Variants in TAP2 observed in about 807,000 individuals in gnomAD.
TAP2 encodes antigen peptide transporter 2.
Under a neutral mutation model 74.7 loss-of-function variants are expected in TAP2, and 49 were observed. That is an observed-to-expected ratio of 0.66 (90% CI 0.52 to 0.83). The LOEUF (loss-of-function observed/expected upper bound fraction) is 0.83. TAP2 is among the 40% of genes least tolerant of loss of function. TAP2 has a pLI of 0.00. For synonymous variants in TAP2, 306 were observed against 368.4 expected (o/e 0.83, Z 1.94); for missense variants, 739 against 859.0 (o/e 0.86, Z 1.75).
At chr6:32,830,909 T>A in intron 7 of TAP2, 103 bp from the exon 8 acceptor site, 1 of 1,014,982 alleles carries the variant, frequency 9.9e-7, no homozygotes, top group Non-Finnish European at 1.5e-6. Context: ...CTGCTCCTCC[T>A]CCATACTCAA....
chr6:32,823,926 A>C (rs1294770455), downstream of TAP2, among the ~76,000 whole-genome samples: 4 of 152,128 alleles, frequency 2.6e-5, no homozygotes, highest in African/African-American at 9.7e-5. Flanking sequence ...ATTAGTTTTA[A>C]ATAATGAACA....
At chr6:32,822,368 A>G (rs1451980648), downstream of TAP2, 9 of 1,181,648 alleles carry the variant, frequency 7.6e-6, no homozygotes, top group Non-Finnish European at 1.1e-5. Flanking sequence ...GGTGTTTTTT[A>G]ATCTGTGCTA....
At chr6:32,830,542 A>C (rs1219140496) in intron 8 of TAP2, 76 bp downstream of exon 8, 1 of 1,603,668 alleles carries the variant, frequency 6.2e-7, no homozygotes, top group Admixed American at 1.7e-5. Flanking sequence ...GAGGCAAATG[A>C]ACTATAGGCT....
downstream of TAP2, chr6:32,822,276 T>C (rs1286817272): frequency 5.2e-6 from 8 of 1,543,564 alleles, no homozygotes; most frequent in East Asian, 1.6e-4. Context: ...TCCCAGGAAA[T>C]ATCCATTGAA....
chr6:32,837,542 A>G lies in TAP2; in HGVS notation c.603T>C (p.Phe201=), dbSNP rs147979198. The G allele has an allele frequency of 1.2e-6, 2 of 1,613,868 alleles. No homozygotes were observed. The highest frequency in any genetic ancestry group is 3.3e-5 in the Admixed American group (2 of 60,004). Residue 201 remains phenylalanine (F), a synonymous_variant, in exon 3 of 12, where the codon TTT becomes TTC. Transcript: ENST00000374897. ...CCCAGCTGCCCACCACCTACCTGCCAAAGGAGAAGAGGCACATGAAGAAGA... is the reference window on the plus strand; with the variant it reads ...CCCAGCTGCCCACCACCTACCTGCCGAAGGAGAAGAGGCACATGAAGAAGA... ...SAIFFMCLFS[F]GSSLSAGCRG... is the part of the protein sequence containing the mutation.
chr6:32,827,485 A>G lies in TAP2; in HGVS notation c.*1421T>C. 2.3e-6 allele frequency: 1 copy of G among 428,284 alleles called. No individual in the cohort carries two copies. Among genetic ancestry groups the G allele is most frequent in the Non-Finnish European group, 3.1e-6 (1 of 321,258 alleles). 26.5% of individuals were successfully genotyped at this position (428,284 alleles called of 1,614,324 possible). The stretch of plus-strand genomic sequence containing the variant: ...GGGAAAGGGAAGATAGAACTTTAAA[A>G]GGGCTGTGAAAGAGGTAACCGCACA... On this transcript the variant is annotated 3_prime_UTR_variant, in exon 12 of 12. Coordinates refer to ENST00000374897, the MANE Select transcript of TAP2 (RefSeq NM_001290043.2).
Position 32,827,709 on chromosome 6 carries a change from G to C in TAP2, c.*1197C>G. ...TCGTGGAGCTGGATACAACAGGAGA[G>C]GGTGAGACAGATGGGCTGGAACAGT... is the stretch of plus-strand genomic sequence containing the variant. On this transcript the variant is annotated 3_prime_UTR_variant, in exon 12 of 12. Coordinates refer to ENST00000374897, the MANE Select transcript of TAP2 (RefSeq NM_001290043.2). The C allele has an allele frequency of 2.1e-6, 2 of 953,278 alleles. No homozygotes were observed. The highest frequency in any genetic ancestry group is 2.5e-6 in the Non-Finnish European group (2 of 801,334). 59.1% of individuals were successfully genotyped at this position (953,278 alleles called of 1,614,324 possible).
intron 3 of TAP2, among the ~76,000 whole-genome samples, chr6:32,836,209 T>C (rs948438659): frequency 2.0e-5 from 3 of 152,310 alleles, no homozygotes; most frequent in Non-Finnish European, 2.9e-5. Context: ...TCTGTCATCA[T>C]AGATACTTCA....
intron 10 of TAP2, 98 bp downstream of exon 10, chr6:32,829,832 C>T: frequency 6.6e-7 from 1 of 1,513,214 alleles, no homozygotes; most frequent in Non-Finnish European, 9.2e-7. Flanking sequence ...AGAGGAACAG[C>T]AAACATCAAG....
In TAP2 at chr6:32,832,320, G is replaced by C. The variant is rs1055295072; in HGVS notation, c.1272+13C>G. ...GAGGGAAAAAAGGAGAGCAGGCTTG[G>C]CTTCTCGCTCACCTGCACATAGCTC... On this transcript the variant is annotated intron_variant, in intron 7 of 11. Coordinates refer to ENST00000374897, the MANE Select transcript of TAP2 (RefSeq NM_001290043.2). This position sits in a 1 kb window ranked among gnomAD's most constrained non-coding sequence, Gnocchi z 5.9. 4 of 1,612,872 alleles carry C rather than the reference G, an allele frequency of 2.5e-6. No homozygotes were observed. Among genetic ancestry groups the C allele is most frequent in the Admixed American group, 3.3e-5 (2 of 60,002 alleles).
chr6:32,837,739 A>G lies in TAP2; in HGVS notation c.493+2T>C. On this transcript the variant is annotated splice_donor_variant, in intron 2 of 11. Coordinates refer to ENST00000374897, the MANE Select transcript of TAP2 (RefSeq NM_001290043.2). LOFTEE classifies it high-confidence loss of function. ...AACTCACAACGTCCTCTCCTGACTC[A>G]CCCAAAACAGCAAGGACAAGGAAGA... 6.2e-7 allele frequency: 1 copy of G among 1,614,146 alleles called. No homozygotes were observed. The highest frequency in any genetic ancestry group is 8.5e-7 in the Non-Finnish European group (1 of 1,180,026).
chr6:32,835,522 A>G lies in TAP2; in HGVS notation c.739+121T>C, dbSNP rs1360615397. On this transcript the variant is annotated intron_variant, in intron 4 of 11. Transcript: ENST00000374897. The surrounding 1 kb of genome is among the most constrained non-coding windows in gnomAD (Gnocchi z 4.0). The stretch of plus-strand genomic sequence containing the variant: ...CTGCTTCTCCACCCTGTCCCAAACA[A>G]GAGAAAAGCATCCCCAAGTCCTGGC... 2.0e-6 allele frequency: 3 copies of G among 1,516,196 alleles called. No homozygotes were observed. The highest frequency in any genetic ancestry group is 2.7e-6 in the Non-Finnish European group (3 of 1,103,344). 93.9% of individuals were successfully genotyped at this position (1,516,196 alleles called of 1,614,324 possible).
In TAP2 at chr6:32,830,671, AT is replaced by A; in HGVS notation, c.1407del (p.Lys469AsnfsTer21). ...GGATATGCAAAGGAGACGTCTTGGA[AT>A]TTCACAACCCCCTGCAGAGTGGTGG... ...LAPTTLQGVV[K>X]FQDVSFAYPN... On this transcript the variant is annotated frameshift_variant, in exon 8 of 12. Coordinates refer to ENST00000374897, the MANE Select transcript of TAP2 (RefSeq NM_001290043.2). LOFTEE classifies it high-confidence loss of function. 6.2e-7 allele frequency: 1 copy of A among 1,613,090 alleles called. No individual in the cohort carries two copies. The highest frequency in any genetic ancestry group is 8.5e-7 in the Non-Finnish European group (1 of 1,180,040).
chr6:32,822,138 C>T, downstream of TAP2: 1 of 661,426 alleles, frequency 1.5e-6, no homozygotes, highest in Admixed American at 2.9e-5. Flanking sequence ...GTGGACTCAC[C>T]CGAAGTATTG....
chr6:32,824,510 C>T (rs2127343830), downstream of TAP2, among the ~76,000 whole-genome samples: 1 of 152,180 alleles, frequency 6.6e-6, no homozygotes, highest in East Asian at 1.9e-4. Flanking sequence ...CATATTTAAG[C>T]TATTTATACT....
chr6:32,827,806 G>A lies in TAP2; in HGVS notation c.*1100C>T, dbSNP rs773552561. The A allele has an allele frequency of 1.8e-5, 17 of 923,998 alleles. 4 individuals are homozygous for A. The highest frequency in any genetic ancestry group is 5.4e-5 in the African/African-American group (3 of 56,016). 57.2% of individuals were successfully genotyped at this position (923,998 alleles called of 1,614,324 possible). On this transcript the variant is annotated 3_prime_UTR_variant, in exon 12 of 12. Coordinates refer to ENST00000374897, the MANE Select transcript of TAP2 (RefSeq NM_001290043.2). ...AGGAATTTCCAGAAATGCCATCATC[G>A]TATGTGACACAGAATTTAGAAAAAT...
chr6:32,835,781 G>A lies in TAP2; in HGVS notation c.609-8C>T, dbSNP rs927517798. ...CAGCCTGCAGACAGTGAGCTGTGGG[G>A]TAGGAGAATAAGAGGGGAGGGAGAT... On this transcript the variant is annotated splice_polypyrimidine_tract_variant and splice_region_variant and intron_variant, in intron 3 of 11. Coordinates refer to ENST00000374897, the MANE Select transcript of TAP2 (RefSeq NM_001290043.2). This position sits in a 1 kb window ranked among gnomAD's most constrained non-coding sequence, Gnocchi z 4.0. 2 of 1,613,034 alleles carry A rather than the reference G, an allele frequency of 1.2e-6. No homozygotes were observed. Among genetic ancestry groups the A allele is most frequent in the African/African-American group, 2.7e-5 (2 of 74,916 alleles).
rs1275173662 is a variant in TAP2, at chr6:32,826,594, TA to T, written c.*2311del. ...GGAGCATTTTTCTGTGTCCCTGACA[TA>T]AAGCCTACCTGGGAGTTTCCCCTGA... On this transcript the variant is annotated 3_prime_UTR_variant, in exon 12 of 12. Coordinates refer to ENST00000374897, the MANE Select transcript of TAP2 (RefSeq NM_001290043.2). 3 of 985,290 alleles carry T rather than the reference TA, an allele frequency of 3.0e-6. No individual in the cohort carries two copies. The African/African-American group carries it at 5.2e-5, about 17-fold the overall frequency. 61.0% of individuals were successfully genotyped at this position (985,290 alleles called of 1,614,324 possible). A position where few individuals can be genotyped will look rare whatever the true frequency, so the allele number is the denominator to read the frequency against.
In TAP2 at chr6:32,835,795, G is replaced by T. The variant is rs747690374; in HGVS notation, c.609-22C>A. On this transcript the variant is annotated intron_variant, in intron 3 of 11. Transcript: ENST00000374897. This position sits in a 1 kb window ranked among gnomAD's most constrained non-coding sequence, Gnocchi z 4.0. Reference sequence around the variant, plus strand: ...TGAGCTGTGGGGTAGGAGAATAAGAGGGGAGGGAGATGCAGAGAAGGAGCA... The same window carrying T: ...TGAGCTGTGGGGTAGGAGAATAAGATGGGAGGGAGATGCAGAGAAGGAGCA... 7 of 1,613,028 alleles carry T rather than the reference G, an allele frequency of 4.3e-6. No individual in the cohort carries two copies. The highest frequency in any genetic ancestry group is 5.9e-6 in the Non-Finnish European group (7 of 1,179,996).
Sources: gnomAD v4.1 joint callset for allele counts (sites outside exome capture counted in the v4.1 genomes callset) on GRCh38, gnomAD v4.1.1 for gene constraint, Gnocchi (gnomAD v3.1) non-coding constraint, MANE v1.5 for transcripts, NCBI Gene and HGNC (gene_info 2026-07-23, HGNC 2026-07-21) for gene names.